PIK3R3: variants seen among roughly 807,000 people sequenced by gnomAD.
PIK3R3 encodes the protein phosphatidylinositol 3-kinase regulatory subunit gamma.
A neutral mutation model predicts 62.9 loss-of-function variants in PIK3R3; 64 were observed. That is an observed-to-expected ratio of 1.02 (90% CI 0.83 to 1.25). The LOEUF is 1.25. PIK3R3 is among the 50% of genes most tolerant of loss of function. The pLI, the probability that PIK3R3 is intolerant of heterozygous loss-of-function variation, is 0.00. For synonymous variants in PIK3R3, 165 were observed against 189.0 expected (o/e 0.87, Z 1.04); for missense variants, 614 against 561.6 (o/e 1.09, Z -0.94).
intron 3 of PIK3R3, among the ~76,000 whole-genome samples, chr1:46,076,306 T>C (rs769080243): frequency 3.3e-5 from 5 of 152,180 alleles, no homozygotes; most frequent in Non-Finnish European, 7.3e-5. Context: ...AATTTAGATA[T>C]TGAGCAAAAT....
At position 46,132,487 on chromosome 1, in the gene PIK3R3, C is replaced by G; in HGVS notation, c.-535G>C. On this transcript the variant is annotated 5_prime_UTR_variant, in exon 1 of 10. Coordinates refer to ENST00000262741, the MANE Select transcript of PIK3R3 (RefSeq NM_003629.4). ...CCCAGAGGCCGGGACTCGGGCTCCT[C>G]TCCGGTCGGTCTCGGAACCGAAGCT... The G allele has an allele frequency of 8.3e-7, 1 of 1,209,646 alleles. No individual in the cohort carries two copies. The allele number at this position is 1,209,646 out of a possible 1,614,324, so 74.9% of individuals were successfully genotyped here.
chr1:46,065,932 A>C, intron 5 of PIK3R3, 122 bp downstream of exon 5: 2 of 814,206 alleles, frequency 2.5e-6, no homozygotes, highest in Non-Finnish European at 4.1e-6. Flanking sequence ...TTAAAGTTTC[A>C]AAAAGGCTGT....
chr1:46,086,021 TG>T (rs1204722936), intron 1 of PIK3R3, among the ~76,000 whole-genome samples: 1 of 152,200 alleles, frequency 6.6e-6, no homozygotes, highest in Non-Finnish European at 1.5e-5. Context: ...ATTATATGCA[TG>T]GGCCACTCAC....
At position 46,132,588 on chromosome 1, in the gene PIK3R3, A is replaced by C. The variant is rs1428983826; in HGVS notation, c.-636T>G. 3.9e-6 allele frequency: 5 copies of C among 1,288,616 alleles called. No homozygotes were observed. The highest frequency in any genetic ancestry group is 5.1e-6 in the Non-Finnish European group (5 of 988,306). 79.8% of individuals were successfully genotyped at this position (1,288,616 alleles called of 1,614,324 possible). ...TGTCTGGGCGCTCCCGCCGGGGTGT[A>C]AGAACCAACCCGACCGCACCAACTG... On this transcript the variant is annotated 5_prime_UTR_variant, in exon 1 of 10. Transcript: ENST00000262741.
chr1:46,139,687 T>G, the PIK3R3 span, among the ~76,000 whole-genome samples: 1 of 152,088 alleles, frequency 6.6e-6, no homozygotes, highest in African/African-American at 2.4e-5. Flanking sequence ...TCCTCGTCTT[T>G]CCTCTTCAAC....
chr1:46,092,599 G>A (rs1381417985), intron 1 of PIK3R3, among the ~76,000 whole-genome samples: 2 of 152,106 alleles, frequency 1.3e-5, no homozygotes, highest in East Asian at 1.9e-4. Flanking sequence ...TCCTGAACTC[G>A]TGATCCGCCT....
chr1:46,137,170 C>G (rs1437628923), upstream of PIK3R3, among the ~76,000 whole-genome samples: 9 of 152,182 alleles, frequency 5.9e-5, no homozygotes, highest in Non-Finnish European at 1.2e-4. Context: ...ATTGCCTTTC[C>G]CGCTGCACCA....
chr1:46,061,487 G>A (rs785508), intron 6 of PIK3R3, among the ~76,000 whole-genome samples: 101,895 of 151,988 alleles, frequency 0.67, 34,378 homozygotes, highest in Non-Finnish European at 0.71. Context: ...AAAAATATTC[G>A]ATGAGCACCC....
chr1:46,062,353 A>C (rs1308331896), intron 5 of PIK3R3, among the ~76,000 whole-genome samples: 1 of 152,204 alleles, frequency 6.6e-6, no homozygotes, highest in Non-Finnish European at 1.5e-5. Flanking sequence ...AGGCAGGCAG[A>C]TCACTTGAGG....
chr1:46,079,591 T>TA (rs1484952387), intron 2 of PIK3R3, among the ~76,000 whole-genome samples: 1 of 152,208 alleles, frequency 6.6e-6, no homozygotes, highest in African/African-American at 2.4e-5. Flanking sequence ...CTATCCTAAA[T>TA]GTCTACATGT....
At chr1:46,103,051 G>A (rs1208617224) in intron 1 of PIK3R3, among the ~76,000 whole-genome samples, 1 of 152,136 alleles carries the variant, frequency 6.6e-6, no homozygotes, top group African/African-American at 2.4e-5. Flanking sequence ...ACATTATACT[G>A]AGTGAAATAA....
the PIK3R3 span, among the ~76,000 whole-genome samples, chr1:46,152,719 C>T: frequency 6.8e-4 from 103 of 152,186 alleles, 2 homozygotes; most frequent in East Asian, 0.012. Flanking sequence ...CCTGCCACCA[C>T]GCCTGGCTAA....
At chr1:46,046,809 A>T in intron 7 of PIK3R3, 184 bp from the exon 8 acceptor site, 1 of 564,020 alleles carries the variant, frequency 1.8e-6, no homozygotes, top group South Asian at 2.5e-5. Context: ...TATCAAGATG[A>T]ACTGATCTTT....
At chr1:46,092,070 C>T (rs1262208358) in intron 1 of PIK3R3, among the ~76,000 whole-genome samples, 1 of 152,156 alleles carries the variant, frequency 6.6e-6, no homozygotes, top group East Asian at 1.9e-4. Context: ...CTGTCCTATC[C>T]ACCCTATCCT....
chr1:46,139,640 C>A, the PIK3R3 span, among the ~76,000 whole-genome samples: 1 of 152,174 alleles, frequency 6.6e-6, no homozygotes, highest in African/African-American at 2.4e-5. Context: ...CTAACTCTCC[C>A]TAAGACCATA....
At chr1:46,057,936 TG>T (rs1215481113) in intron 6 of PIK3R3, among the ~76,000 whole-genome samples, 1 of 151,846 alleles carries the variant, frequency 6.6e-6, no homozygotes, top group African/African-American at 2.4e-5. Context: ...CCCAAGACAA[TG>T]GGGGAAATGT....
chr1:46,070,307 T>C (rs777847435), intron 3 of PIK3R3, among the ~76,000 whole-genome samples: 18 of 152,180 alleles, frequency 1.2e-4, no homozygotes, highest in African/African-American at 1.7e-4. Flanking sequence ...GACAAGGACA[T>C]GAACAGTCAT....
At chr1:46,101,319 C>A (rs1652653279) in intron 1 of PIK3R3, among the ~76,000 whole-genome samples, 2 of 151,984 alleles carry the variant, frequency 1.3e-5, no homozygotes, top group Non-Finnish European at 2.9e-5. Flanking sequence ...CATGGTGAAA[C>A]CCCATCTCTA....
intron 3 of PIK3R3, among the ~76,000 whole-genome samples, chr1:46,071,778 T>A (rs1333235458): frequency 7.4e-6 from 1 of 134,514 alleles, no homozygotes; most frequent in Admixed American, 7.6e-5. Context: ...CTGATCACAA[T>A]TTCCCTGCCG....
Sources: gnomAD v4.1 joint callset for allele counts (sites outside exome capture counted in the v4.1 genomes callset) on GRCh38, gnomAD v4.1.1 for gene constraint, MANE v1.5 for transcripts, NCBI Gene and HGNC (gene_info 2026-07-23, HGNC 2026-07-21) for gene names.